RHOT1: variants seen among roughly 807,000 people sequenced by gnomAD.
The protein encoded by RHOT1 is mitochondrial Rho GTPase 1.
Under a neutral mutation model 95.3 loss-of-function variants are expected in RHOT1, and 27 were observed. The observed-to-expected ratio is 0.28, with a 90% confidence interval of 0.21 to 0.39. The LOEUF (loss-of-function observed/expected upper bound fraction) is 0.39. RHOT1 is among the 10% of genes least tolerant of loss of function. The pLI, the probability that RHOT1 is intolerant of heterozygous loss-of-function variation, is 1.00. For missense variants in RHOT1, 578 were observed against 786.7 expected (o/e 0.73, Z 3.17); for synonymous variants, 227 against 263.5 (o/e 0.86, Z 1.34).
chr17:32,151,575 T>C, intron 1 of RHOT1: 2 of 353,232 alleles, frequency 5.7e-6, no homozygotes, highest in Admixed American at 4.1e-5. Flanking sequence ...TCTCTCTCAA[T>C]GAACTTTTTA....
At chr17:32,197,202 T>A (rs1050089372) in intron 11 of RHOT1, among the ~76,000 whole-genome samples, 6 of 152,000 alleles carry the variant, frequency 3.9e-5, no homozygotes, top group Admixed American at 3.9e-4. Context: ...GCCTGTCTCA[T>A]TTTTGTCTCC....
At chr17:32,144,714 C>T (rs1159687087) in intron 1 of RHOT1, among the ~76,000 whole-genome samples, 2 of 151,090 alleles carry the variant, frequency 1.3e-5, no homozygotes, top group Non-Finnish European at 3.0e-5. Flanking sequence ...TGGCTGGGCA[C>T]AGTGGCTCAC....
intron 10 of RHOT1, among the ~76,000 whole-genome samples, chr17:32,193,555 T>A (rs981516113): frequency 2.0e-5 from 3 of 152,218 alleles, no homozygotes; most frequent in Non-Finnish European, 4.4e-5. Flanking sequence ...TAAACAGCCT[T>A]TAAATAGTCA....
At chr17:32,213,691 C>T (rs1187028551) in intron 19 of RHOT1, among the ~76,000 whole-genome samples, 1 of 152,188 alleles carries the variant, frequency 6.6e-6, no homozygotes, top group Non-Finnish European at 1.5e-5. Flanking sequence ...CCCGTAATTG[C>T]TGATCACAAA....
At chr17:32,202,586 C>A (rs960182134) in intron 14 of RHOT1, among the ~76,000 whole-genome samples, 184 bp from the exon 15 acceptor site, 4 of 152,214 alleles carry the variant, frequency 2.6e-5, no homozygotes, top group African/African-American at 9.6e-5. Flanking sequence ...TAACTGGGGC[C>A]CTTCTGCATT....
chr17:32,220,009 A>G (rs1567735417), intron 19 of RHOT1, among the ~76,000 whole-genome samples: 1 of 152,248 alleles, frequency 6.6e-6, no homozygotes, highest in Admixed American at 6.5e-5. Flanking sequence ...TGGAAAGTCT[A>G]TCTTAATGAA....
chr17:32,194,258 C>T (rs2036706184), intron 11 of RHOT1, 151 bp downstream of exon 11: 1 of 725,896 alleles, frequency 1.4e-6, no homozygotes, highest in African/African-American at 1.8e-5. Flanking sequence ...GGCATTGAGC[C>T]ATGCCCAGTC....
chr17:32,176,083 A>G, intron 5 of RHOT1, 68 bp downstream of exon 5: 3 of 1,578,172 alleles, frequency 1.9e-6, no homozygotes, highest in Admixed American at 1.8e-5. Context: ...TTCTCAGTTT[A>G]GAATTTTAGG....
At chr17:32,198,663 C>T (rs1447045464) in intron 11 of RHOT1, among the ~76,000 whole-genome samples, 3 of 152,250 alleles carry the variant, frequency 2.0e-5, no homozygotes, top group South Asian at 2.1e-4. Flanking sequence ...GAGCTGTGAT[C>T]GTGCCACTGC....
Position 32,171,057 on chromosome 17 carries a change from A to T in RHOT1, c.52A>T (p.Thr18Ser). The T allele has an allele frequency of 6.2e-7, 1 of 1,606,546 alleles. No homozygotes were observed. Among genetic ancestry groups the T allele is most frequent in the East Asian group, 2.2e-5 (1 of 44,572 alleles). The change falls in exon 2 of 20, where the codon ACA becomes TCA. Residue 18 changes from threonine (T) to serine (S), a missense_variant. Thr to Ser is a moderately conservative substitution (Grantham distance 58). Coordinates refer to ENST00000545287, the MANE Select transcript of RHOT1 (RefSeq NM_001033566.3). Reference protein sequence around the residue: ...LLVGEPRVGKTSLIMSLVSEE... With the variant: ...LLVGEPRVGKSSLIMSLVSEE... ...TCTTTTCACAGCTAGAGTTGGGAAG[A>T]CATCACTGATTATGTCTCTGGTCAG...
intron 8 of RHOT1, among the ~76,000 whole-genome samples, chr17:32,185,730 TTA>T (rs1474548190): frequency 1.0e-4 from 15 of 147,078 alleles, no homozygotes; most frequent in African/African-American, 3.4e-4. Context: ...TTTTTTTTTT[TTA>T]AATTTAGAGA....
intron 1 of RHOT1, among the ~76,000 whole-genome samples, chr17:32,153,711 C>T (rs1220435937): frequency 1.3e-5 from 2 of 152,070 alleles, no homozygotes; most frequent in Non-Finnish European, 2.9e-5. Flanking sequence ...TGGAAAAGTT[C>T]CTGGAAATAT....
chr17:32,142,849 C>A, intron 1 of RHOT1, 120 bp downstream of exon 1: 5 of 881,136 alleles, frequency 5.7e-6, no homozygotes, highest in Non-Finnish European at 9.0e-6. Flanking sequence ...TCGCGCCTCA[C>A]AGCTCCGCTC....
chr17:32,189,042 G>A (rs2036261759), intron 8 of RHOT1, among the ~76,000 whole-genome samples: 1 of 152,234 alleles, frequency 6.6e-6, no homozygotes, highest in Non-Finnish European at 1.5e-5. Flanking sequence ...GTTCACGCAT[G>A]TAATCCCAGC....
At chr17:32,195,200 A>G (rs1025737046) in intron 11 of RHOT1, among the ~76,000 whole-genome samples, 9 of 151,846 alleles carry the variant, frequency 5.9e-5, no homozygotes, top group African/African-American at 1.5e-4. Flanking sequence ...GGCTCAAGCA[A>G]TCCTCCCACC....
chr17:32,176,834 G>A (rs898718922), intron 6 of RHOT1, among the ~76,000 whole-genome samples: 5 of 152,112 alleles, frequency 3.3e-5, no homozygotes, highest in Admixed American at 1.3e-4. Context: ...GCCTCCCAAA[G>A]TGCTGGGACT....
chr17:32,180,118 C>T (rs2035501917), intron 6 of RHOT1: 1 of 154,910 alleles, frequency 6.5e-6, no homozygotes, highest in African/African-American at 2.4e-5. Context: ...GCACCTCTGC[C>T]CGGCCGCCCT....
intron 11 of RHOT1, among the ~76,000 whole-genome samples, chr17:32,197,127 A>T (rs1243796402): frequency 5.5e-5 from 8 of 145,144 alleles, no homozygotes; most frequent in Non-Finnish European, 1.2e-4. Flanking sequence ...CATCTCAAAT[A>T]AAAAAAAAAA....
rs751518766 is a variant in RHOT1, at chr17:32,193,114, A to G, written c.640-22A>G. 1.0e-5 allele frequency: 15 copies of G among 1,456,532 alleles called. No homozygotes were observed. In the East Asian group the frequency reaches 3.4e-4, roughly 33 times the overall value. 90.2% of individuals were successfully genotyped at this position (1,456,532 alleles called of 1,614,324 possible). Reference sequence around the variant, plus strand: ...TTTTAACGCTGGTTTGTTTTTAAATATATTTTTATGTTTTTTGCTAGAGGA... The same window carrying G: ...TTTTAACGCTGGTTTGTTTTTAAATGTATTTTTATGTTTTTTGCTAGAGGA... On this transcript the variant is annotated intron_variant, in intron 9 of 19. Transcript: ENST00000545287.
Sources: gnomAD v4.1 joint callset for allele counts (sites outside exome capture counted in the v4.1 genomes callset) on GRCh38, gnomAD v4.1.1 for gene constraint, MANE v1.5 for transcripts, NCBI Gene and HGNC (gene_info 2026-07-23, HGNC 2026-07-21) for gene names.